Variants in CDH13 observed in about 807,000 individuals in gnomAD.
CDH13 encodes cadherin 13, also known as cadherin-13.
CDH13 carries 24 observed loss-of-function variants against 63.8 expected under a neutral mutation model. The observed-to-expected ratio is 0.38, with a 90% confidence interval of 0.27 to 0.53. The LOEUF is 0.53. CDH13 is among the 20% of genes least tolerant of loss of function. CDH13 has a pLI of 0.85. For missense variants in CDH13, 1,049 were observed against 903.1 expected (o/e 1.16, Z -2.07); for synonymous variants, 503 against 355.3 (o/e 1.42, Z -4.67).
At chr16:83,482,781 C>G (rs531319178) in intron 6 of CDH13, among the ~76,000 whole-genome samples, 1 of 152,184 alleles carries the variant, frequency 6.6e-6, no homozygotes, top group African/African-American at 2.4e-5. Context: ...GTTGTGATAT[C>G]CACAGTAGAA....
chr16:82,756,157 A>G (rs1433392673), intron 1 of CDH13, among the ~76,000 whole-genome samples: 1 of 152,178 alleles, frequency 6.6e-6, no homozygotes, highest in Admixed American at 6.5e-5. Flanking sequence ...AAAAAGTTGC[A>G]TATTTCTATT....
chr16:83,683,312 G>T (rs993657651), intron 10 of CDH13, among the ~76,000 whole-genome samples: 2 of 152,206 alleles, frequency 1.3e-5, no homozygotes, highest in African/African-American at 4.8e-5. Context: ...ATAAAGTTAA[G>T]ATAGTTTCTG....
chr16:83,537,888 C>G (rs2075224890), intron 7 of CDH13, among the ~76,000 whole-genome samples: 2 of 152,184 alleles, frequency 1.3e-5, no homozygotes, highest in Non-Finnish European at 2.9e-5. Flanking sequence ...TAACTATATT[C>G]AACATAGTGC....
intron 2 of CDH13, among the ~76,000 whole-genome samples, chr16:82,963,276 GGCTGAGGCAGAAGAATC>G (rs1388861274): frequency 6.6e-6 from 1 of 152,126 alleles, no homozygotes; most frequent in African/African-American, 2.4e-5. Context: ...CTACTAGGGA[GGCTGAGGCAGAAGAATC>G]GCTTGAACCT....
At chr16:83,063,501 A>G (rs72796231) in intron 3 of CDH13, among the ~76,000 whole-genome samples, 1 of 152,190 alleles carries the variant, frequency 6.6e-6, no homozygotes, top group Non-Finnish European at 1.5e-5. Flanking sequence ...GGACATTGTT[A>G]TGATAAACCC....
At chr16:82,873,598 T>C (rs992207585) in intron 2 of CDH13, among the ~76,000 whole-genome samples, 6 of 152,328 alleles carry the variant, frequency 3.9e-5, no homozygotes, top group African/African-American at 1.4e-4. Context: ...CTCCTAATTT[T>C]TCTCATCTGT....
intron 7 of CDH13, among the ~76,000 whole-genome samples, chr16:83,533,810 G>A (rs1446468345): frequency 2.0e-5 from 3 of 151,728 alleles, no homozygotes; most frequent in Non-Finnish European, 4.4e-5. Context: ...TAGTAGAGAT[G>A]GGATTTCGCC....
intron 6 of CDH13, among the ~76,000 whole-genome samples, chr16:83,456,626 A>G (rs1275494151): frequency 2.0e-5 from 3 of 152,162 alleles, no homozygotes; most frequent in Non-Finnish European, 4.4e-5. Flanking sequence ...AGTCCGGGGC[A>G]GGCTATGTTT....
chr16:83,620,791 C>T (rs1199770016), intron 8 of CDH13, among the ~76,000 whole-genome samples: 1 of 152,164 alleles, frequency 6.6e-6, no homozygotes, highest in Non-Finnish European at 1.5e-5. Flanking sequence ...TCTGCTTTTC[C>T]CTTGCAAACT....
chr16:83,570,308 T>G (rs1904455718), intron 7 of CDH13, among the ~76,000 whole-genome samples: 1 of 152,160 alleles, frequency 6.6e-6, no homozygotes, highest in African/African-American at 2.4e-5. Flanking sequence ...TGGGGTCTTT[T>G]CTGTCTGTTC....
intron 3 of CDH13, among the ~76,000 whole-genome samples, chr16:83,034,254 A>G (rs773008602): frequency 7.9e-5 from 12 of 152,108 alleles, no homozygotes; most frequent in African/African-American, 1.7e-4. Flanking sequence ...CCTACTATCA[A>G]TTGATCATTT....
intron 2 of CDH13, among the ~76,000 whole-genome samples, chr16:82,869,111 A>G (rs1400731468): frequency 1.3e-5 from 2 of 152,144 alleles, no homozygotes; most frequent in Admixed American, 6.6e-5. Flanking sequence ...CAGTGGCGCA[A>G]TCTCAACTCA....
At chr16:82,857,531 C>G (rs1446077644) in intron 1 of CDH13, among the ~76,000 whole-genome samples, 2 of 152,182 alleles carry the variant, frequency 1.3e-5, no homozygotes, top group Non-Finnish European at 2.9e-5. Flanking sequence ...GAATCGTATA[C>G]ATCTCATACA....
chr16:83,391,613 C>T (rs1391408899), intron 6 of CDH13, among the ~76,000 whole-genome samples: 2 of 152,090 alleles, frequency 1.3e-5, no homozygotes, highest in East Asian at 3.9e-4. Context: ...TGGCGCAACC[C>T]CCCTGGAAAA....
intron 5 of CDH13, among the ~76,000 whole-genome samples, chr16:83,324,442 A>C (rs1210543982): frequency 6.6e-6 from 1 of 152,096 alleles, no homozygotes; most frequent in Non-Finnish European, 1.5e-5. Flanking sequence ...CCACCAGTCT[A>C]CTTCTTGTCT....
intron 10 of CDH13, among the ~76,000 whole-genome samples, chr16:83,686,308 C>A (rs1338282016): frequency 6.6e-6 from 1 of 152,182 alleles, no homozygotes; most frequent in Admixed American, 6.5e-5. Flanking sequence ...GAGTAACAAT[C>A]ATCTTTATCT....
chr16:82,712,476 T>A (rs1381678581), intron 1 of CDH13, among the ~76,000 whole-genome samples: 1 of 152,180 alleles, frequency 6.6e-6, no homozygotes, highest in Non-Finnish European at 1.5e-5. Flanking sequence ...AAATCGTGCC[T>A]GATAACCTAT....
At chr16:83,445,090 T>G (rs1198876695) in intron 6 of CDH13, among the ~76,000 whole-genome samples, 2 of 152,132 alleles carry the variant, frequency 1.3e-5, no homozygotes, top group Non-Finnish European at 2.9e-5. Context: ...TTTGATATTT[T>G]TCATGGCAGT....
intron 10 of CDH13, among the ~76,000 whole-genome samples, chr16:83,699,468 A>G (rs1905882276): frequency 6.6e-6 from 1 of 152,190 alleles, no homozygotes; most frequent in Admixed American, 6.5e-5. Flanking sequence ...ATTCCAGAGG[A>G]TTGGAGAAGG....
Sources: gnomAD v4.1 joint callset for allele counts (sites outside exome capture counted in the v4.1 genomes callset) on GRCh38, gnomAD v4.1.1 for gene constraint, MANE v1.5 for transcripts, NCBI Gene and HGNC (gene_info 2026-07-23, HGNC 2026-07-21) for gene names.